SLC38A8: variants seen among roughly 807,000 people sequenced by gnomAD.
SLC38A8 encodes amino acid transporter SLC38A8.
SLC38A8 carries 65 observed loss-of-function variants against 46.0 expected under a neutral mutation model. The ratio of observed to expected loss-of-function variants is 1.41; its 90% CI spans 1.16 to 1.74. SLC38A8 has a LOEUF of 1.74. SLC38A8 is among the 40% of genes most tolerant of loss of function. The probability of loss-of-function intolerance (pLI) is 0.00; values close to 1 mark genes in which losing one functional copy is unlikely to be tolerated. For synonymous variants in SLC38A8, 447 were observed against 243.7 expected (o/e 1.83, Z -7.77); for missense variants, 998 against 567.9 (o/e 1.76, Z -7.70).
chr16:84,036,471 T>C lies in SLC38A8; in HGVS notation c.388+231A>G, dbSNP rs182349247. On this transcript the variant is annotated intron_variant, in intron 3 of 10. Transcript: ENST00000299709. ...GACTTATCTCCACTGGATATCCTAA[T>C]TGCAGCCACAACCTCTCTCATGCAC... 5.1e-4 allele frequency among the ~76,000 whole-genome samples: 78 copies of C among 152,374 alleles called. 1 individual carries two copies. Among genetic ancestry groups the C allele is most frequent in the Middle Eastern group, 3.4e-3 (1 of 294 alleles).
chr16:84,015,626 G>A (rs889064206), intron 9 of SLC38A8, among the ~76,000 whole-genome samples: 5 of 152,066 alleles, frequency 3.3e-5, no homozygotes, highest in Admixed American at 1.3e-4. Flanking sequence ...GATCATAAAC[G>A]TTCCTACGTC....
chr16:84,040,255 G>A (rs140956505), intron 2 of SLC38A8, among the ~76,000 whole-genome samples: 22 of 152,304 alleles, frequency 1.4e-4, no homozygotes, highest in African/African-American at 5.1e-4. Flanking sequence ...AACTTGGGGT[G>A]GCGGGAGCGT....
chr16:84,036,415 G>C (rs1480004769), intron 3 of SLC38A8, among the ~76,000 whole-genome samples: 1 of 152,250 alleles, frequency 6.6e-6, no homozygotes, highest in African/African-American at 2.4e-5. Flanking sequence ...GGAGCTGCTT[G>C]CTGTTGGCTC....
chr16:84,029,440 G>A (rs930392362), intron 6 of SLC38A8, 54 bp downstream of exon 6: 1 of 1,587,458 alleles, frequency 6.3e-7, no homozygotes, highest in Non-Finnish European at 8.6e-7. Context: ...GGAGCAGAGA[G>A]TCACCCACAG....
chr16:84,034,641 T>C (rs531066662), intron 3 of SLC38A8, among the ~76,000 whole-genome samples: 45 of 152,092 alleles, frequency 3.0e-4, no homozygotes, highest in African/African-American at 1.1e-3. Flanking sequence ...TGTGAAAAAA[T>C]GAATGCATGT....
intron 2 of SLC38A8, among the ~76,000 whole-genome samples, chr16:84,038,174 G>A (rs1046290774): frequency 2.0e-5 from 3 of 152,056 alleles, no homozygotes; most frequent in Non-Finnish European, 2.9e-5. Flanking sequence ...AGCCAGGCAT[G>A]GTGGCACATG....
chr16:84,033,718 C>T (rs1311793494), intron 3 of SLC38A8, among the ~76,000 whole-genome samples: 7 of 152,200 alleles, frequency 4.6e-5, no homozygotes, highest in Admixed American at 4.6e-4. Flanking sequence ...CTCTAAGGCC[C>T]AAGATGAGGC....
chr16:84,020,007 G>A (rs998911129), intron 7 of SLC38A8, among the ~76,000 whole-genome samples: 1 of 152,254 alleles, frequency 6.6e-6, no homozygotes, highest in African/African-American at 2.4e-5. Context: ...AGTTCTCGCA[G>A]GCAGGTGTTG....
intron 7 of SLC38A8, among the ~76,000 whole-genome samples, chr16:84,018,108 G>A (rs2085052450): frequency 6.6e-6 from 1 of 151,906 alleles, no homozygotes; most frequent in Non-Finnish European, 1.5e-5. Flanking sequence ...TGAAGGCTGA[G>A]AAGTCCAAGA....
rs376247461 is a variant in SLC38A8, at chr16:84,037,806, A to ATTTTTTT, written c.190-913_190-907dup. Among the ~76,000 whole-genome samples, 36 of 102,236 alleles carry ATTTTTTT rather than the reference A, an allele frequency of 3.5e-4. 3 individuals are homozygous for ATTTTTTT. Among genetic ancestry groups the ATTTTTTT allele is most frequent in the African/African-American group, 1.2e-3 (29 of 24,648 alleles). The allele number at this position is 102,236 out of a possible 152,430, so 67.1% of individuals were successfully genotyped here. On this transcript the variant is annotated intron_variant, in intron 2 of 10. Coordinates refer to ENST00000299709, the MANE Select transcript of SLC38A8 (RefSeq NM_001080442.3). ...AAAACATCCCTCTATTTCAGCTTCA[A>ATTTTTTT]TTTTTTTTTTTTTTTTTTTGGAGAC...
Position 84,030,817 on chromosome 16 carries a change from T to G in SLC38A8, c.632+1050A>C, listed in dbSNP as rs973995703. On this transcript the variant is annotated intron_variant, in intron 5 of 10. Transcript: ENST00000299709. ...AGACAGTGACATCAGAAGGGTACAC[T>G]GAGCATGGGGCCTGGGTGACTGTAG... 5.9e-5 allele frequency among the ~76,000 whole-genome samples: 9 copies of G among 152,144 alleles called. 1 individual carries two copies. The highest frequency in any genetic ancestry group is 2.2e-4 in the African/African-American group (9 of 41,422).
In SLC38A8 at chr16:84,025,069, T is replaced by G. The variant is rs74032400; in HGVS notation, c.691-2180A>C. Among the ~76,000 whole-genome samples, 446 of 152,248 alleles carry G rather than the reference T, an allele frequency of 2.9e-3. 1 individual carries two copies. Among genetic ancestry groups the G allele is most frequent in the African/African-American group, 0.01 (421 of 41,548 alleles). On this transcript the variant is annotated intron_variant, in intron 6 of 10. Coordinates refer to ENST00000299709, the MANE Select transcript of SLC38A8 (RefSeq NM_001080442.3). ...CATTTCCCTGGGTGGGTCGTGGACA[T>G]TGGTGATTCACGAACAGCCAAGAGA...
Position 84,037,821 on chromosome 16 carries a change from T to G in SLC38A8, c.190-921A>C, listed in dbSNP as rs1296861421. On this transcript the variant is annotated intron_variant, in intron 2 of 10. Coordinates refer to ENST00000299709, the MANE Select transcript of SLC38A8 (RefSeq NM_001080442.3). The stretch of plus-strand genomic sequence containing the variant: ...TTCAGCTTCAATTTTTTTTTTTTTT[T>G]TTTTGGAGACGGAGTCTAGCTCTGT... 7.5e-5 allele frequency among the ~76,000 whole-genome samples: 11 copies of G among 147,150 alleles called. No individual in the cohort carries two copies. In the East Asian group the frequency reaches 2.2e-3, roughly 30 times the overall value.
chr16:84,036,155 T>C (rs1379802065), intron 3 of SLC38A8, among the ~76,000 whole-genome samples: 2 of 152,148 alleles, frequency 1.3e-5, no homozygotes, highest in Non-Finnish European at 2.9e-5. Context: ...TAATTGTCAA[T>C]TAAACACTAC....
intron 5 of SLC38A8, among the ~76,000 whole-genome samples, chr16:84,029,914 A>C (rs529374134): frequency 6.6e-6 from 1 of 152,310 alleles, no homozygotes; most frequent in East Asian, 1.9e-4. Flanking sequence ...CAGTGATCCC[A>C]AATAGCACAA....
chr16:84,013,203 T>C (rs1227829839), intron 9 of SLC38A8, 151 bp from the exon 10 acceptor site: 1 of 768,872 alleles, frequency 1.3e-6, no homozygotes, highest in African/African-American at 1.8e-5. Flanking sequence ...GGCAACACAG[T>C]GGAGCTGGAA....
intron 5 of SLC38A8, among the ~76,000 whole-genome samples, chr16:84,031,240 C>G (rs2085234568): frequency 6.6e-6 from 1 of 152,086 alleles, no homozygotes; most frequent in Non-Finnish European, 1.5e-5. Flanking sequence ...AGGGTTTCAC[C>G]ATGTTGGCAA....
intron 6 of SLC38A8, among the ~76,000 whole-genome samples, chr16:84,024,875 T>C (rs1047530079): frequency 2.6e-5 from 4 of 151,810 alleles, no homozygotes; most frequent in African/African-American, 9.7e-5. Flanking sequence ...GAGACAGGGT[T>C]TCACCATGTT....
In SLC38A8 at chr16:84,016,683, C is replaced by A. The variant is rs749357656; in HGVS notation, c.998G>T (p.Trp333Leu). 1.9e-6 allele frequency: 3 copies of A among 1,613,476 alleles called. No individual in the cohort carries two copies. The change falls in exon 9 of 11, where the codon TGG becomes TTG. Residue 333 changes from tryptophan (W) to leucine (L), a missense_variant. Trp to Leu is a moderately conservative substitution (Grantham distance 61, BLOSUM62 -2). Coordinates refer to ENST00000299709, the MANE Select transcript of SLC38A8 (RefSeq NM_001080442.3). ...GGGGTCGGCCAGGGCGCTGGGCCCC[C>A]ATCCCCCCAAGCAGCTCCTCCTCCA... Reference protein sequence around the residue: ...DFWRRSCLGGWGPSALADPSG... With the variant: ...DFWRRSCLGGLGPSALADPSG...
Sources: allele counts gnomAD v4.1 joint callset (sites outside exome capture counted in the v4.1 genomes callset), GRCh38; gene constraint gnomAD v4.1.1; transcripts MANE v1.5; gene names NCBI Gene and HGNC (gene_info 2026-07-23, HGNC 2026-07-21).